ARHGEF10: variants seen among roughly 807,000 people sequenced by gnomAD.
The protein encoded by ARHGEF10 is Rho guanine nucleotide exchange factor (GEF) 10.
ARHGEF10 carries 140 observed loss-of-function variants against 147.4 expected under a neutral mutation model. The observed-to-expected ratio is 0.95, with a 90% CI of 0.83 to 1.09. ARHGEF10 has a LOEUF of 1.09. Among genes scored for constraint, ARHGEF10 ranks in the 50% least tolerant of loss-of-function variants. The probability of loss-of-function intolerance (pLI) is 0.00; values close to 1 mark genes in which losing one functional copy is unlikely to be tolerated. For synonymous variants in ARHGEF10, 902 were observed against 695.8 expected, an observed-to-expected ratio of 1.30 and a Z score of -4.67; for missense variants, 2,222 against 1,752.7, an observed-to-expected ratio of 1.27 and a Z score of -4.78.
intron 11 of ARHGEF10, among the ~76,000 whole-genome samples, chr8:1,887,182 C>T (rs971932712): frequency 4.6e-5 from 7 of 152,198 alleles, no homozygotes; most frequent in Non-Finnish European, 8.8e-5. Flanking sequence ...ACTCTGAGAA[C>T]TTACTGTAGC....
At chr8:1,932,976 G>C (rs1813273476) in intron 25 of ARHGEF10, among the ~76,000 whole-genome samples, 1 of 152,176 alleles carries the variant, frequency 6.6e-6, no homozygotes, top group South Asian at 2.1e-4. Context: ...ATTATTTATA[G>C]GATAATTACA....
Position 1,945,586 on chromosome 8 carries a change from T to C in ARHGEF10, c.3328T>C (p.Phe1110Leu). ...AFTSGSTLRL[F>L]HTETLKHLQD... ...CACCTCAGGGTCCACGCTCCGCCTT[T>C]TTCACACGGAAACTCTCAAGCACCT... The change falls in exon 27 of 29, where the codon TTT (phenylalanine) becomes CTT (leucine). Residue 1110 changes from phenylalanine (F) to leucine (L), a missense_variant. Physicochemically the swap from Phe to Leu is conservative, Grantham distance 22. Transcript: ENST00000349830. 6.8e-6 allele frequency: 11 copies of C among 1,614,216 alleles called. No homozygotes were observed. The highest frequency in any genetic ancestry group is 9.3e-6 in the Non-Finnish European group (11 of 1,180,030).
At chr8:1,868,879 C>A (rs2272709) in intron 6 of ARHGEF10, among the ~76,000 whole-genome samples, 5 of 151,868 alleles carry the variant, frequency 3.3e-5, no homozygotes, top group Admixed American at 6.6e-5. Context: ...TAAGTTTGAC[C>A]TGGAAACCAT....
At chr8:1,911,330 A>G (rs1811338206) in intron 18 of ARHGEF10, among the ~76,000 whole-genome samples, 1 of 152,156 alleles carries the variant, frequency 6.6e-6, no homozygotes, top group Admixed American at 6.6e-5. Context: ...CACCTAGTTA[A>G]CCTCAGTGAA....
At chr8:1,840,839 T>TGGGC (rs1803974440) in intron 1 of ARHGEF10, among the ~76,000 whole-genome samples, 1 of 152,040 alleles carries the variant, frequency 6.6e-6, no homozygotes, top group Admixed American at 6.6e-5. Flanking sequence ...CTGGAGAGGG[T>TGGGC]AGGCACCTCC....
chr8:1,829,572 C>G (rs187844596), intron 1 of ARHGEF10, among the ~76,000 whole-genome samples: 16 of 152,368 alleles, frequency 1.1e-4, no homozygotes, highest in Admixed American at 7.8e-4. Context: ...GCTGCCTCCA[C>G]GGAAGCCGCG....
intron 9 of ARHGEF10, among the ~76,000 whole-genome samples, chr8:1,881,716 G>T (rs1458707108): frequency 2.6e-5 from 4 of 152,188 alleles, no homozygotes; most frequent in Admixed American, 2.6e-4. Context: ...GGCAGACACG[G>T]CCAGGGCTAC....
At chr8:1,907,884 CG>C (rs1563267574) in intron 17 of ARHGEF10, among the ~76,000 whole-genome samples, 1 of 152,154 alleles carries the variant, frequency 6.6e-6, no homozygotes, top group Non-Finnish European at 1.5e-5. Context: ...ACCCTTTGGT[CG>C]GCCCTGTGAA....
At chr8:1,846,309 C>G (rs1804559387) in intron 2 of ARHGEF10, among the ~76,000 whole-genome samples, 1 of 152,316 alleles carries the variant, frequency 6.6e-6, no homozygotes, top group Non-Finnish European at 1.5e-5. Flanking sequence ...GAGTTTCTAG[C>G]CAATAACTTT....
At chr8:1,845,994 G>C (rs532129430) in intron 2 of ARHGEF10, among the ~76,000 whole-genome samples, 1 of 152,260 alleles carries the variant, frequency 6.6e-6, no homozygotes, top group African/African-American at 2.4e-5. Context: ...CCCTCTGGGT[G>C]CAGCTGGACT....
chr8:1,930,234 T>G (rs1284525799), intron 25 of ARHGEF10, among the ~76,000 whole-genome samples: 1 of 151,958 alleles, frequency 6.6e-6, no homozygotes, highest in Non-Finnish European at 1.5e-5. Flanking sequence ...TCACCGAAAG[T>G]TGCCCTGCAC....
chr8:1,877,770 A>C (rs1170086114), intron 8 of ARHGEF10, among the ~76,000 whole-genome samples: 1 of 151,836 alleles, frequency 6.6e-6, no homozygotes, highest in Non-Finnish European at 1.5e-5. Context: ...ATTTGTGCTC[A>C]TCTACAGTGA....
chr8:1,905,449 G>A (rs897027389), intron 16 of ARHGEF10, 122 bp from the exon 17 acceptor site: 32 of 1,257,554 alleles, frequency 2.5e-5, no homozygotes, highest in South Asian at 2.0e-4. Flanking sequence ...ACATAGGAAC[G>A]ATTTCCGTAA....
intron 5 of ARHGEF10, among the ~76,000 whole-genome samples, chr8:1,864,896 C>A (rs985663336): frequency 1.3e-5 from 2 of 152,180 alleles, no homozygotes; most frequent in Non-Finnish European, 2.9e-5. Context: ...TTAGAAATTG[C>A]AGATTTTATG....
chr8:1,838,930 G>T (rs1803755313), intron 1 of ARHGEF10, among the ~76,000 whole-genome samples: 1 of 150,506 alleles, frequency 6.6e-6, no homozygotes, highest in Non-Finnish European at 1.5e-5. Context: ...GTGTGGGGCT[G>T]TCTGGTGTGG....
rs1180043753 is a variant in ARHGEF10, at chr8:1,845,911, GGGGCTGGGGGTGTCTCC to G, written c.37+2476_37+2492del. Among the ~76,000 whole-genome samples, 338 of 152,324 alleles carry G rather than the reference GGGGCTGGGGGTGTCTCC, an allele frequency of 2.2e-3. 3 individuals are homozygous for G. The highest frequency in any genetic ancestry group is 7.7e-3 in the African/African-American group (322 of 41,588). The stretch of plus-strand genomic sequence containing the variant: ...CCCTGCAGCAGGACACTCCTCTGCT[GGGGCTGGGGGTGTCTCC>G]ATAGCCCCTCCCTCTGCCCAGATTT... On this transcript the variant is annotated intron_variant, in intron 2 of 28. Coordinates refer to ENST00000349830, the MANE Select transcript of ARHGEF10 (RefSeq NM_014629.4).
rs1055304063 is a variant in ARHGEF10, at chr8:1,876,653, T to C, written c.762T>C (p.Phe254=). The C allele has an allele frequency of 2.5e-6, 4 of 1,614,216 alleles. No individual in the cohort carries two copies. The highest frequency in any genetic ancestry group is 2.7e-5 in the African/African-American group (2 of 75,056). Reference sequence around the variant, plus strand: ...AATACGGATGGAGTTCGAGTGAATTTGAAAGTTACGAAGAGCAGAGTGACT... The same window carrying C: ...AATACGGATGGAGTTCGAGTGAATTCGAAAGTTACGAAGAGCAGAGTGACT... ...SLEYGWSSSE[F]ESYEEQSDSE... Residue 254 remains phenylalanine (F), a synonymous_variant, in exon 8 of 29, where the codon TTT becomes TTC. Transcript: ENST00000349830.
Position 1,952,716 on chromosome 8 carries a change from C to T in ARHGEF10, c.3409C>T (p.Leu1137=), listed in dbSNP as rs1815155521. ...VHNMLPGHQR[L]SVTSLLVCHG... is the part of the protein sequence containing the mutation. ...GTCTTTCCGCCCAGGGCACCAGCGG[C>T]TGTCGGTGACGAGCCTGCTCGTCTG... The change falls in exon 28 of 29, where the codon CTG becomes TTG. Residue 1137 remains leucine, a synonymous_variant. Transcript: ENST00000349830. 1.2e-6 allele frequency: 2 copies of T among 1,612,956 alleles called. No homozygotes were observed. The highest frequency in any genetic ancestry group is 2.2e-5 in the East Asian group (1 of 44,866).
intron 11 of ARHGEF10, among the ~76,000 whole-genome samples, chr8:1,888,129 GTTT>G (rs1808879549): frequency 1.7e-5 from 1 of 58,710 alleles, no homozygotes. Flanking sequence ...TGGGGTGAGG[GTTT>G]GCGAGGAGAC....
Sources: gnomAD v4.1 joint callset for allele counts (sites outside exome capture counted in the v4.1 genomes callset) on GRCh38, gnomAD v4.1.1 for gene constraint, MANE v1.5 for transcripts, NCBI Gene and HGNC (gene_info 2026-07-23, HGNC 2026-07-21) for gene names.